Variants in ATRNL1 observed in about 807,000 individuals in gnomAD.
ATRNL1 encodes the protein attractin like 1, also known as attractin-like protein 1.
ATRNL1 carries 95 observed loss-of-function variants against 182.7 expected under a neutral mutation model. The ratio of observed to expected loss-of-function variants is 0.52; its 90% CI spans 0.44 to 0.62. The LOEUF (loss-of-function observed/expected upper bound fraction) is 0.62. Among genes scored for constraint, ATRNL1 ranks in the 20% least tolerant of loss-of-function variants. The pLI is 0.00. For synonymous variants in ATRNL1, 576 were observed against 568.3 expected (o/e 1.01, Z -0.19); for missense variants, 1,471 against 1,679.5 (o/e 0.88, Z 2.17).
chr10:115,161,133 T>A (rs1354374033), intron 6 of ATRNL1, among the ~76,000 whole-genome samples: 2 of 152,030 alleles, frequency 1.3e-5, no homozygotes, highest in East Asian at 3.8e-4. Context: ...TAACTGGGTA[T>A]CTTGTATTTT....
At chr10:115,094,176 C>T (rs952449268) in intron 1 of ATRNL1, 133 bp downstream of exon 1, 133 of 980,942 alleles carry the variant, frequency 1.4e-4, no homozygotes, top group Non-Finnish European at 1.7e-4. Context: ...CCTCAGCGCG[C>T]GGCGGGAGCG....
chr10:115,310,761 A>T (rs1405365068), intron 17 of ATRNL1, among the ~76,000 whole-genome samples: 1 of 152,136 alleles, frequency 6.6e-6, no homozygotes, highest in African/African-American at 2.4e-5. Flanking sequence ...TTATCTTTTC[A>T]AAAAGACTAG....
intron 1 of ATRNL1, among the ~76,000 whole-genome samples, chr10:115,098,869 G>A (rs781934027): frequency 1.3e-5 from 2 of 152,238 alleles, no homozygotes; most frequent in African/African-American, 4.8e-5. Context: ...AAAATGAGGT[G>A]TTTAATTATA....
intron 3 of ATRNL1, among the ~76,000 whole-genome samples, chr10:115,126,943 C>T (rs1592136388): frequency 6.6e-6 from 1 of 152,100 alleles, no homozygotes; most frequent in Admixed American, 6.6e-5. Context: ...ATATCTCCCC[C>T]ACCCCAAGTT....
intron 5 of ATRNL1, among the ~76,000 whole-genome samples, chr10:115,151,431 G>T (rs1846222948): frequency 6.6e-6 from 1 of 152,244 alleles, no homozygotes; most frequent in South Asian, 2.1e-4. Flanking sequence ...GTGTGAGATG[G>T]TATCTCATTG....
intron 19 of ATRNL1, among the ~76,000 whole-genome samples, chr10:115,381,940 AT>A (rs1858037776): frequency 6.6e-6 from 1 of 152,016 alleles, no homozygotes; most frequent in Non-Finnish European, 1.5e-5. Context: ...TCCTGCCATC[AT>A]TTGTTGAAAT....
chr10:115,119,310 A>G (rs1554870851), intron 1 of ATRNL1, among the ~76,000 whole-genome samples: 1 of 152,030 alleles, frequency 6.6e-6, no homozygotes, highest in African/African-American at 2.4e-5. Context: ...ATTTAATTTT[A>G]TCTAAAAGTA....
intron 21 of ATRNL1, among the ~76,000 whole-genome samples, chr10:115,449,368 C>T (rs1184346065): frequency 6.6e-6 from 1 of 152,104 alleles, no homozygotes; most frequent in African/African-American, 2.4e-5. Flanking sequence ...ACCTTCTCAC[C>T]TCATATTCTT....
intron 11 of ATRNL1, 50 bp downstream of exon 11, chr10:115,265,327 A>G (rs782804512): frequency 1.8e-6 from 2 of 1,142,318 alleles, no homozygotes; most frequent in Non-Finnish European, 2.6e-6. Flanking sequence ...TATCAGTCAT[A>G]CTATCCTCAT....
chr10:115,267,649 A>G (rs1049902733), intron 12 of ATRNL1, among the ~76,000 whole-genome samples: 3 of 152,038 alleles, frequency 2.0e-5, no homozygotes, highest in African/African-American at 7.2e-5. Context: ...GATGTCTTTT[A>G]TATCTTTAGA....
chr10:115,110,471 TCATATAACTGGAATGAAC>T (rs1420171647), intron 1 of ATRNL1, among the ~76,000 whole-genome samples: 1 of 152,136 alleles, frequency 6.6e-6, no homozygotes, highest in East Asian at 1.9e-4. Flanking sequence ...GGGACCTCAT[TCATATAACTGGAATGAAC>T]TGAATTCTAC....
chr10:115,259,596 C>T (rs565414489), intron 10 of ATRNL1, among the ~76,000 whole-genome samples: 1 of 152,336 alleles, frequency 6.6e-6, no homozygotes, highest in African/African-American at 2.4e-5. Context: ...CCCCACCCTG[C>T]TTCGGCTCGC....
intron 14 of ATRNL1, among the ~76,000 whole-genome samples, chr10:115,285,426 T>G (rs1400041658): frequency 6.6e-6 from 1 of 152,066 alleles, no homozygotes; most frequent in Non-Finnish European, 1.5e-5. Flanking sequence ...CGCTAATACA[T>G]TTCATATGAT....
intron 19 of ATRNL1, among the ~76,000 whole-genome samples, chr10:115,353,085 G>A (rs1029267753): frequency 6.6e-6 from 1 of 152,098 alleles, no homozygotes; most frequent in Non-Finnish European, 1.5e-5. Flanking sequence ...AGGTCCATCT[G>A]GTCTGTAGTG....
chr10:115,803,151 T>C (rs1949837125), intron 27 of ATRNL1, among the ~76,000 whole-genome samples: 2 of 152,180 alleles, frequency 1.3e-5, no homozygotes, highest in Admixed American at 1.3e-4. Flanking sequence ...ATGCTGCAGC[T>C]GAAAGTATTT....
intron 9 of ATRNL1, among the ~76,000 whole-genome samples, chr10:115,223,376 C>T (rs1196779368): frequency 6.6e-6 from 1 of 152,042 alleles, no homozygotes; most frequent in Non-Finnish European, 1.5e-5. Flanking sequence ...CAAAACTTAG[C>T]CATCTGCTGC....
intron 1 of ATRNL1, among the ~76,000 whole-genome samples, chr10:115,113,114 T>G (rs969690233): frequency 4.6e-5 from 7 of 152,098 alleles, no homozygotes; most frequent in Non-Finnish European, 8.8e-5. Flanking sequence ...AAAGCAAAAG[T>G]GGACTGGTCA....
At chr10:115,132,497 A>G (rs1554875491) in intron 5 of ATRNL1, among the ~76,000 whole-genome samples, 1 of 152,140 alleles carries the variant, frequency 6.6e-6, no homozygotes, top group Non-Finnish European at 1.5e-5. Flanking sequence ...ATCCTTGAGG[A>G]ATTGCCACAC....
At chr10:115,895,813 C>A (rs1952192210) in intron 28 of ATRNL1, among the ~76,000 whole-genome samples, 1 of 152,160 alleles carries the variant, frequency 6.6e-6, no homozygotes, top group Non-Finnish European at 1.5e-5. Context: ...ATCAGGGAGG[C>A]CTTCCCAACG....
Sources: allele counts gnomAD v4.1 joint callset (sites outside exome capture counted in the v4.1 genomes callset), GRCh38; gene constraint gnomAD v4.1.1; transcripts MANE v1.5; gene names NCBI Gene and HGNC (gene_info 2026-07-23, HGNC 2026-07-21).